Variants in GPC6 observed in about 807,000 individuals in gnomAD.
The protein encoded by GPC6 is glypican 6.
In GPC6, 14 loss-of-function variants were observed where a neutral mutation model predicts 55.2. The ratio of observed to expected loss-of-function variants is 0.25; its 90% confidence interval spans 0.17 to 0.40. The LOEUF (loss-of-function observed/expected upper bound fraction) is 0.40, where lower values mean the gene tolerates loss of function less well. Ranked by LOEUF, GPC6 falls within the 10% of genes least tolerant of loss-of-function variation. The pLI is 1.00. For missense variants in GPC6, 641 were observed against 708.5 expected (o/e 0.90, Z 1.08); for synonymous variants, 278 against 259.6 (o/e 1.07, Z -0.68).
chr13:93,994,498 G>A lies in GPC6; in HGVS notation c.712-33231G>A, dbSNP rs560433207. On this transcript the variant is annotated intron_variant, in intron 3 of 8. Transcript: ENST00000377047. The stretch of plus-strand genomic sequence containing the variant: ...TTCCCATTTCTTTTCCCAAAACCAG[G>A]TTAGGAATTATTGCTCATTGCTTAT... 2.0e-5 allele frequency among the ~76,000 whole-genome samples: 3 copies of A among 152,220 alleles called. No individual in the cohort carries two copies. The East Asian group carries it at 5.8e-4, about 29-fold the overall frequency.
intron 3 of GPC6, among the ~76,000 whole-genome samples, chr13:93,860,643 T>C (rs767214336): frequency 1.3e-5 from 2 of 151,644 alleles, no homozygotes; most frequent in African/African-American, 4.8e-5. Flanking sequence ...GATATTCTTA[T>C]GTTTGCCTTA....
intron 6 of GPC6, among the ~76,000 whole-genome samples, chr13:94,354,022 C>G (rs1878675274): frequency 6.6e-6 from 1 of 152,198 alleles, no homozygotes; most frequent in South Asian, 2.1e-4. Context: ...TAATAACATG[C>G]ACAATGAATT....
intron 4 of GPC6, among the ~76,000 whole-genome samples, chr13:94,133,714 ATT>A (rs778394484): frequency 6.9e-5 from 10 of 144,128 alleles, no homozygotes; most frequent in Admixed American, 7.0e-5. Context: ...ACACAACAGC[ATT>A]TTTTTTTTTT....
chr13:93,906,308 T>A (rs1296983204), intron 3 of GPC6, among the ~76,000 whole-genome samples: 3 of 152,118 alleles, frequency 2.0e-5, no homozygotes, highest in African/African-American at 7.2e-5. Context: ...CTCACTGTAA[T>A]TGAAACCTTC....
At chr13:93,577,687 C>G (rs1004995646) in intron 2 of GPC6, among the ~76,000 whole-genome samples, 2 of 151,844 alleles carry the variant, frequency 1.3e-5, no homozygotes, top group Non-Finnish European at 2.9e-5. Context: ...CAATTTCAAT[C>G]TGGATGCCCG....
chr13:93,432,967 G>GA (rs397813236), intron 1 of GPC6, among the ~76,000 whole-genome samples: 1 of 60 alleles, frequency 0.017, no homozygotes, highest in South Asian at 0.5. Flanking sequence ...GAAAAAAGAA[G>GA]AGGGAGAAAG....
chr13:93,354,359 T>TTTGTTTTG (rs1555293317), intron 1 of GPC6, among the ~76,000 whole-genome samples: 1 of 138,544 alleles, frequency 7.2e-6, no homozygotes, highest in African/African-American at 2.6e-5. Context: ...ATTTTTTTTT[T>TTTGTTTTG]TTTTTTTTTG....
intron 2 of GPC6, among the ~76,000 whole-genome samples, chr13:93,759,454 A>T (rs191273987): frequency 6.6e-6 from 1 of 152,298 alleles, no homozygotes; most frequent in Non-Finnish European, 1.5e-5. Context: ...ATATGACAAG[A>T]ATACCTAAAG....
In GPC6 at chr13:93,908,422, A is replaced by G. The variant is rs573836915; in HGVS notation, c.711+77877A>G. Among the ~76,000 whole-genome samples, 3 of 152,336 alleles carry G rather than the reference A, an allele frequency of 2.0e-5. No individual in the cohort carries two copies. In the East Asian group the frequency reaches 5.8e-4, roughly 29 times the overall value. ...AAATGACAGGTCATGTACTGACTAA[A>G]CTGCAGAATTCCCAGATGATTTGGT... On this transcript the variant is annotated intron_variant, in intron 3 of 8. Transcript: ENST00000377047.
chr13:93,642,813 A>T (rs1300649910), intron 2 of GPC6, among the ~76,000 whole-genome samples: 1 of 152,132 alleles, frequency 6.6e-6, no homozygotes, highest in Non-Finnish European at 1.5e-5. Context: ...ATTGTTTAAC[A>T]GTATTCTACG....
intron 1 of GPC6, among the ~76,000 whole-genome samples, chr13:93,503,813 T>C (rs941685665): frequency 2.6e-5 from 4 of 152,294 alleles, no homozygotes; most frequent in East Asian, 1.9e-4. Flanking sequence ...TTAAGTATAA[T>C]GTTTTAAAAT....
intron 2 of GPC6, among the ~76,000 whole-genome samples, chr13:93,631,848 A>G (rs947041279): frequency 6.6e-6 from 1 of 152,210 alleles, no homozygotes; most frequent in African/African-American, 2.4e-5. Flanking sequence ...TGGATTAAAG[A>G]TAGAACGAAT....
intron 4 of GPC6, among the ~76,000 whole-genome samples, chr13:94,268,075 G>C (rs1308308274): frequency 1.3e-5 from 2 of 152,178 alleles, no homozygotes; most frequent in Non-Finnish European, 2.9e-5. Context: ...AAGAAGAATG[G>C]AAAATAATTA....
intron 1 of GPC6, among the ~76,000 whole-genome samples, chr13:93,455,987 A>AT (rs1399122816): frequency 6.6e-6 from 1 of 152,146 alleles, no homozygotes; most frequent in Non-Finnish European, 1.5e-5. Flanking sequence ...TAGAATACTT[A>AT]TTTTTTTAGA....
intron 1 of GPC6, among the ~76,000 whole-genome samples, chr13:93,376,124 C>T (rs963305975): frequency 6.7e-6 from 1 of 149,068 alleles, no homozygotes; most frequent in Non-Finnish European, 1.5e-5. Flanking sequence ...GAGGTGTGCT[C>T]CTGAGGTTGC....
intron 1 of GPC6, among the ~76,000 whole-genome samples, chr13:93,354,349 A>ATT (rs11454186): frequency 0.057 from 6,616 of 115,688 alleles, 495 homozygotes; most frequent in African/African-American, 0.13. Context: ...CCGTTGGTAG[A>ATT]TTTTTTTTTT....
At chr13:93,774,485 G>A (rs1042277940) in intron 2 of GPC6, among the ~76,000 whole-genome samples, 3 of 152,112 alleles carry the variant, frequency 2.0e-5, no homozygotes, top group Non-Finnish European at 4.4e-5. Flanking sequence ...TCTCCTTCGT[G>A]TATTATTTTT....
chr13:93,632,613 A>T (rs1048494002), intron 2 of GPC6, among the ~76,000 whole-genome samples: 3 of 121,648 alleles, frequency 2.5e-5, no homozygotes, highest in African/African-American at 8.9e-5. Flanking sequence ...GTGTGTATAT[A>T]TATGTATATA....
chr13:93,929,960 G>T (rs1195284835), intron 3 of GPC6, among the ~76,000 whole-genome samples: 5 of 151,970 alleles, frequency 3.3e-5, no homozygotes, highest in African/African-American at 1.2e-4. Flanking sequence ...GCACAATCTT[G>T]ATCATTGTCA....
Sources: gnomAD v4.1 joint callset for allele counts (sites outside exome capture counted in the v4.1 genomes callset) on GRCh38, gnomAD v4.1.1 for gene constraint, MANE v1.5 for transcripts, NCBI Gene and HGNC (gene_info 2026-07-23, HGNC 2026-07-21) for gene names.